Variants in UBXN2A observed in about 807,000 individuals in gnomAD.
UBXN2A encodes the protein UBX domain-containing protein 2A.
In UBXN2A, 28 loss-of-function variants were observed where a neutral mutation model predicts 28.4. The ratio of observed to expected loss-of-function variants is 0.99; its 90% CI spans 0.73 to 1.35. The LOEUF (loss-of-function observed/expected upper bound fraction) is 1.35. UBXN2A is among the 40% of genes most tolerant of loss of function. The pLI, the probability that UBXN2A is intolerant of heterozygous loss-of-function variation, is 0.00. For missense variants in UBXN2A, 253 were observed against 297.9 expected (o/e 0.85, Z 1.11); for synonymous variants, 97 against 103.6 (o/e 0.94, Z 0.39).
intron 1 of UBXN2A, among the ~76,000 whole-genome samples, chr2:23,928,384 T>G (rs551308812): frequency 6.6e-6 from 1 of 152,242 alleles, no homozygotes; most frequent in East Asian, 1.9e-4. Context: ...GAGACCAACC[T>G]GGCCAACATG....
intron 6 of UBXN2A, among the ~76,000 whole-genome samples, chr2:23,991,538 G>A (rs1329958999): frequency 6.0e-5 from 9 of 151,188 alleles, no homozygotes; most frequent in South Asian, 2.1e-4. Flanking sequence ...GTGTGATCTC[G>A]GCTCACTGCA....
At chr2:23,969,116 C>T (rs764990610) in intron 2 of UBXN2A, 31 of 152,230 alleles carry the variant, frequency 2.0e-4, no homozygotes, top group Admixed American at 1.9e-3. Flanking sequence ...TGGTCTTGAT[C>T]TCTTGACCCC....
chr2:23,944,399 C>T, intron 1 of UBXN2A: 1 of 1,226,334 alleles, frequency 8.2e-7, no homozygotes, highest in Non-Finnish European at 1.2e-6. Flanking sequence ...TTGTATTCAC[C>T]CATCTTTCAG....
chr2:23,966,750 C>CTTTTTTTTTTTTTTTTTTTT (rs70944704), intron 2 of UBXN2A, among the ~76,000 whole-genome samples: 1 of 76,676 alleles, frequency 1.3e-5, no homozygotes, highest in Non-Finnish European at 2.4e-5. Flanking sequence ...CGCGCCCGGC[C>CTTTTTTTTTTTTTTTTTTTT]TTTTTTTTTT....
At chr2:23,962,754 T>C (rs533363797) in intron 2 of UBXN2A, among the ~76,000 whole-genome samples, 35 of 152,138 alleles carry the variant, frequency 2.3e-4, no homozygotes, top group African/African-American at 8.4e-4. Context: ...TACAGGCATG[T>C]GCAACCACAC....
At position 23,965,334 on chromosome 2, in the gene UBXN2A, A is replaced by G. The variant is rs1265672794; in HGVS notation, c.42-5942A>G. On this transcript the variant is annotated intron_variant, in intron 2 of 6. Transcript: ENST00000309033. The stretch of plus-strand genomic sequence containing the variant: ...AGCATCTAGTTTCTCCTGATTAAAT[A>G]TGATGTTAGATGTAGGCTTTTGCAG... 2.0e-5 allele frequency among the ~76,000 whole-genome samples: 3 copies of G among 152,198 alleles called. No individual in the cohort carries two copies. In the East Asian group the frequency reaches 5.8e-4, roughly 29 times the overall value.
In UBXN2A at chr2:23,974,054, G is replaced by A. The variant is rs1330755902; in HGVS notation, c.180+2640G>A. Among the ~76,000 whole-genome samples, 269 of 142,152 alleles carry A rather than the reference G, an allele frequency of 1.9e-3. 2 individuals are homozygous for A. The highest frequency in any genetic ancestry group is 5.5e-3 in the East Asian group (26 of 4,740). 93.3% of individuals were successfully genotyped at this position (142,152 alleles called of 152,430 possible). A position where few individuals can be genotyped will look rare whatever the true frequency, so the allele number is the denominator to read the frequency against. On this transcript the variant is annotated intron_variant, in intron 3 of 6. Transcript: ENST00000309033. ...TTTTGAGACGGAGTCTCGCTCTGTCGCCCAGGCTGGAGTGCAGTGGTGCGA... is the reference window on the plus strand; with the variant it reads ...TTTTGAGACGGAGTCTCGCTCTGTCACCCAGGCTGGAGTGCAGTGGTGCGA...
chr2:23,947,992 T>A (rs1461269461), intron 1 of UBXN2A, among the ~76,000 whole-genome samples: 1 of 151,704 alleles, frequency 6.6e-6, no homozygotes, highest in Non-Finnish European at 1.5e-5. Context: ...GTAGCTGAGA[T>A]TACAGGTGCC....
intron 4 of UBXN2A, among the ~76,000 whole-genome samples, chr2:23,978,521 G>A (rs951211378): frequency 1.3e-5 from 2 of 152,020 alleles, no homozygotes; most frequent in African/African-American, 2.4e-5. Context: ...GCGGGCACCT[G>A]TAGTCCCAGC....
At chr2:23,963,287 C>T (rs1254067500) in intron 2 of UBXN2A, among the ~76,000 whole-genome samples, 4 of 151,848 alleles carry the variant, frequency 2.6e-5, no homozygotes, top group Non-Finnish European at 4.4e-5. Context: ...GAGGCTGAGG[C>T]GGGCGGATCA....
chr2:23,951,050 T>C (rs1706338694), intron 1 of UBXN2A, among the ~76,000 whole-genome samples: 1 of 152,158 alleles, frequency 6.6e-6, no homozygotes, highest in Non-Finnish European at 1.5e-5. Flanking sequence ...AGTACTTATG[T>C]ACATTATGGA....
intron 1 of UBXN2A, among the ~76,000 whole-genome samples, chr2:23,957,723 A>G (rs1706697662): frequency 6.6e-6 from 1 of 152,128 alleles, no homozygotes; most frequent in South Asian, 2.1e-4. Context: ...AATCCCAGCT[A>G]CTCGGGAGGC....
At chr2:23,963,471 C>CAAA (rs563195167) in intron 2 of UBXN2A, among the ~76,000 whole-genome samples, 3 of 102,316 alleles carry the variant, frequency 2.9e-5, no homozygotes, top group Non-Finnish European at 4.1e-5. Flanking sequence ...GACAGTGTCT[C>CAAA]AAAAAAAAAA....
chr2:23,967,448 T>C (rs1454290563), intron 2 of UBXN2A, among the ~76,000 whole-genome samples: 3 of 152,142 alleles, frequency 2.0e-5, no homozygotes, highest in Admixed American at 6.6e-5. Flanking sequence ...TATTTGAGAG[T>C]GTACTGTGTG....
rs928852700 is a variant in UBXN2A at position 24,001,922 on chromosome 2, C to T, written c.*2055C>T. On this transcript the variant is annotated 3_prime_UTR_variant, in exon 7 of 7. Coordinates refer to ENST00000309033, the MANE Select transcript of UBXN2A (RefSeq NM_181713.4). Reference sequence around the variant, plus strand: ...GTTTCAGTGAGCCGAGATTGCGCCCCTGCACTCCAGCCTGGTGACGGAGCG... The same window carrying T: ...GTTTCAGTGAGCCGAGATTGCGCCCTTGCACTCCAGCCTGGTGACGGAGCG... 6 of 151,580 alleles carry T rather than the reference C, an allele frequency of 4.0e-5. No individual in the cohort carries two copies. Among genetic ancestry groups the T allele is most frequent in the African/African-American group, 1.5e-4 (6 of 41,254 alleles). The allele number at this position is 151,580 out of a possible 1,614,324, so 9.4% of individuals were successfully genotyped here. A position where few individuals can be genotyped will look rare whatever the true frequency, so the allele number is the denominator to read the frequency against.
At chr2:23,968,223 C>A (rs1166246766) in intron 2 of UBXN2A, among the ~76,000 whole-genome samples, 5 of 152,142 alleles carry the variant, frequency 3.3e-5, no homozygotes, top group Non-Finnish European at 5.9e-5. Flanking sequence ...TAAGCTTTTT[C>A]TTCATCTATT....
chr2:23,951,441 TATATATATATATATATATATATA>T (rs1706362737), intron 1 of UBXN2A, among the ~76,000 whole-genome samples: 1 of 119,062 alleles, frequency 8.4e-6, no homozygotes, highest in African/African-American at 3.3e-5. Flanking sequence ...TATATATATA[TATATATATATATATATATATATA>T]GTTTTGTTTC....
At chr2:23,969,234 G>A (rs1707306301) in intron 2 of UBXN2A, among the ~76,000 whole-genome samples, 1 of 151,992 alleles carries the variant, frequency 6.6e-6, no homozygotes, top group African/African-American at 2.4e-5. Flanking sequence ...ATAAAAACCA[G>A]TAAAGTATTA....
In UBXN2A at chr2:23,951,789, A is replaced by G. The variant is rs560186050; in HGVS notation, c.-14-6512A>G. ...TCTTAAAAAAGAAACAAATGAGTCA[A>G]GCTGATCTGAATGGTCAGGGTGGGT... On this transcript the variant is annotated intron_variant, in intron 1 of 6. Transcript: ENST00000309033. Among the ~76,000 whole-genome samples the G allele has an allele frequency of 3.3e-5, 5 of 152,188 alleles. No homozygotes were observed. The South Asian group carries it at 1.0e-3, about 32-fold the overall frequency.
Sources: allele counts gnomAD v4.1 joint callset (sites outside exome capture counted in the v4.1 genomes callset), GRCh38; gene constraint gnomAD v4.1.1; transcripts MANE v1.5; gene names NCBI Gene and HGNC (gene_info 2026-07-23, HGNC 2026-07-21).